The following CGRRF1 variants were observed in gnomAD, a reference collection of about 807,000 sequenced individuals.
The protein encoded by CGRRF1 is cell growth regulator with ring finger domain 1.
Under a neutral mutation model 37.2 loss-of-function variants are expected in CGRRF1, and 32 were observed. That is an observed-to-expected ratio of 0.86 (90% CI 0.65 to 1.16). The LOEUF is 1.16. Among genes scored for constraint, CGRRF1 ranks in the 50% most tolerant of loss-of-function variants. The pLI, the probability that CGRRF1 is intolerant of heterozygous loss-of-function variation, is 0.00. For missense variants in CGRRF1, 391 were observed against 382.6 expected (o/e 1.02, Z -0.18); for synonymous variants, 141 against 140.3 (o/e 1.00, Z -0.04).
At chr14:54,514,836 C>A (rs1000216724) in intron 1 of CGRRF1, among the ~76,000 whole-genome samples, 1 of 151,998 alleles carries the variant, frequency 6.6e-6, no homozygotes, top group African/African-American at 2.4e-5. Context: ...AAAATAATTT[C>A]CCTTTTGATT....
chr14:54,521,380 T>A (rs953130086), intron 1 of CGRRF1, among the ~76,000 whole-genome samples: 13 of 151,232 alleles, frequency 8.6e-5, no homozygotes, highest in Admixed American at 3.3e-4. Flanking sequence ...AGAATTGCTT[T>A]AACCCGGGAG....
intron 4 of CGRRF1, among the ~76,000 whole-genome samples, chr14:54,532,085 A>G (rs1210536350): frequency 2.0e-5 from 3 of 152,184 alleles, no homozygotes; most frequent in Admixed American, 6.6e-5. Context: ...TTCAGGCAGT[A>G]AGAGATGGAA....
intron 2 of CGRRF1, among the ~76,000 whole-genome samples, chr14:54,526,174 G>A (rs1161948073): frequency 2.1e-5 from 3 of 141,862 alleles, no homozygotes; most frequent in Non-Finnish European, 4.6e-5. Flanking sequence ...TTTTGAGACG[G>A]AGTCTCGCTC....
chr14:54,509,969 G>A lies in CGRRF1; in HGVS notation c.10G>A (p.Val4Met), dbSNP rs1261255325. ...CCAGAGCAAGACCCTGATGGCTGCG[G>A]TGTTTCTGGTAACGCTTTATGAATA... is the stretch of plus-strand genomic sequence containing the variant. MAA[V>M]FLVTLYEYSP... is the part of the protein sequence containing the mutation. The change falls in exon 1 of 6, where the codon GTG becomes ATG. Residue 4 changes from valine to methionine, a missense_variant. Coordinates refer to ENST00000216420, the MANE Select transcript of CGRRF1 (RefSeq NM_006568.3). The A allele has an allele frequency of 3.7e-6, 6 of 1,612,844 alleles. No individual in the cohort carries two copies. Among genetic ancestry groups the A allele is most frequent in the Non-Finnish European group, 5.1e-6 (6 of 1,178,908 alleles).
intron 2 of CGRRF1, among the ~76,000 whole-genome samples, chr14:54,526,143 G>T (rs1594652571): frequency 2.2e-5 from 3 of 137,210 alleles, no homozygotes; most frequent in Admixed American, 7.4e-5. Context: ...TTATATTTAA[G>T]ATTTTTTTTT....
intron 4 of CGRRF1, among the ~76,000 whole-genome samples, chr14:54,533,848 G>A (rs1382790520): frequency 6.6e-6 from 1 of 151,820 alleles, no homozygotes; most frequent in East Asian, 1.9e-4. Context: ...AAAAAAATTA[G>A]AAAGTGTAGA....
At chr14:54,516,674 A>G (rs1435198782) in intron 1 of CGRRF1, among the ~76,000 whole-genome samples, 3 of 151,878 alleles carry the variant, frequency 2.0e-5, no homozygotes, top group Non-Finnish European at 4.4e-5. Flanking sequence ...GAGCTCATTG[A>G]GATTCTTGGG....
intron 2 of CGRRF1, among the ~76,000 whole-genome samples, chr14:54,527,014 T>C (rs959766198): frequency 6.6e-6 from 1 of 152,220 alleles, no homozygotes; most frequent in Non-Finnish European, 1.5e-5. Flanking sequence ...GGCTGTCTCT[T>C]ACACTCCGCT....
intron 1 of CGRRF1, among the ~76,000 whole-genome samples, chr14:54,521,417 C>T (rs1258248930): frequency 2.0e-5 from 3 of 151,494 alleles, no homozygotes; most frequent in South Asian, 2.1e-4. Flanking sequence ...GCCAAGATCA[C>T]GCCATTGCAC....
In CGRRF1 at chr14:54,514,732, T is replaced by C. The variant is rs1475246351; in HGVS notation, c.104+4669T>C. Among the ~76,000 whole-genome samples, 4 of 152,354 alleles carry C rather than the reference T, an allele frequency of 2.6e-5. 1 individual carries two copies. The highest frequency in any genetic ancestry group is 9.6e-5 in the African/African-American group (4 of 41,580). Reference sequence around the variant, plus strand: ...TCTTCCAGGAGATGGAACAGAAATGTTGAGTGCCTTCTAATTTCCTTGTAA... The same window carrying C: ...TCTTCCAGGAGATGGAACAGAAATGCTGAGTGCCTTCTAATTTCCTTGTAA... On this transcript the variant is annotated intron_variant, in intron 1 of 5. Transcript: ENST00000216420.
rs375675032 is a variant in CGRRF1 at position 54,531,124 on chromosome 14, G to A, written c.570+74G>A. 1.3e-4 allele frequency: 158 copies of A among 1,218,322 alleles called. 3 individuals are homozygous for A. In the South Asian group the frequency reaches 2.1e-3, roughly 16 times the overall value. The allele number at this position is 1,218,322 out of a possible 1,614,324, so 75.5% of individuals were successfully genotyped here. A position where few individuals can be genotyped will look rare whatever the true frequency, so the allele number is the denominator to read the frequency against. ...GTGGTTCTTCATTATTTGATAAATA[G>A]AAAAAGTTTTATTTTAATTTCTGAG... On this transcript the variant is annotated intron_variant, in intron 4 of 5. Transcript: ENST00000216420.
rs935528368 is a variant in CGRRF1 at position 54,538,529 on chromosome 14, A to C, written c.*146A>C. 1.3e-5 allele frequency: 7 copies of C among 541,158 alleles called. No homozygotes were observed. The highest frequency in any genetic ancestry group is 1.9e-5 in the African/African-American group (1 of 51,512). 33.5% of individuals were successfully genotyped at this position (541,158 alleles called of 1,614,324 possible). ...ATATTTGTATGGTACTTGGATGATA[A>C]AAATTAATTATTCCTTTCTGCTTAG... is the stretch of plus-strand genomic sequence containing the variant. On this transcript the variant is annotated 3_prime_UTR_variant, in exon 6 of 6. Transcript: ENST00000216420.
At position 54,531,060 on chromosome 14, in the gene CGRRF1, T is replaced by C; in HGVS notation, c.570+10T>C. Reference sequence around the variant, plus strand: ...GGAAATTTATGATATTGTAAGTAATTGAAAATTTTGAAAGCATTACCTTTA... The same window carrying C: ...GGAAATTTATGATATTGTAAGTAATCGAAAATTTTGAAAGCATTACCTTTA... On this transcript the variant is annotated intron_variant, in intron 4 of 5. Transcript: ENST00000216420. The C allele has an allele frequency of 6.3e-7, 1 of 1,587,428 alleles. No individual in the cohort carries two copies. Among genetic ancestry groups the C allele is most frequent in the Non-Finnish European group, 8.6e-7 (1 of 1,164,892 alleles).
intron 2 of CGRRF1, 101 bp downstream of exon 2, chr14:54,522,694 C>CATTTTGTT (rs1176558629): frequency 3.5e-6 from 4 of 1,138,302 alleles, no homozygotes; most frequent in Non-Finnish European, 5.0e-6. Flanking sequence ...AGACTTTTAA[C>CATTTTGTT]AAACATTTGT....
intron 3 of CGRRF1, chr14:54,530,585 G>A (rs1223830037): frequency 1.9e-6 from 2 of 1,041,324 alleles, no homozygotes; most frequent in Non-Finnish European, 2.7e-6. Flanking sequence ...AACAGTATTT[G>A]TATCCTTTCA....
intron 2 of CGRRF1, among the ~76,000 whole-genome samples, chr14:54,525,673 T>C (rs1381053509): frequency 6.6e-6 from 1 of 152,214 alleles, no homozygotes; most frequent in Non-Finnish European, 1.5e-5. Flanking sequence ...GTAACAATAT[T>C]TGTGACATTT....
rs1442590873 is a variant in CGRRF1 at position 54,538,574 on chromosome 14, A to G, written c.*191A>G. The stretch of plus-strand genomic sequence containing the variant: ...GCTTAGTGAATGAATACTGGAATCC[A>G]TCTGTGTTGATACATAAAAATTCAT... On this transcript the variant is annotated 3_prime_UTR_variant, in exon 6 of 6. Transcript: ENST00000216420. 19 of 436,190 alleles carry G rather than the reference A, an allele frequency of 4.4e-5. No homozygotes were observed. In the East Asian group the frequency reaches 6.5e-4, roughly 15 times the overall value. The allele number at this position is 436,190 out of a possible 1,614,324, so 27.0% of individuals were successfully genotyped here.
At position 54,538,359 on chromosome 14, in the gene CGRRF1, T is replaced by C. The variant is rs139742313; in HGVS notation, c.975T>C (p.Asp325=). Residue 325 remains aspartate, a synonymous_variant, in exon 6 of 6, where the codon GAT becomes GAC. Coordinates refer to ENST00000216420, the MANE Select transcript of CGRRF1 (RefSeq NM_006568.3). Reference sequence around the variant, plus strand: ...CACTTTGCAGTCAAAAAGAGCAAGATAAAGACAAACCGAAGACTCTTTGAA... The same window carrying C: ...CACTTTGCAGTCAAAAAGAGCAAGACAAAGACAAACCGAAGACTCTTTGAA... ...SFALCSQKEQ[D]KDKPKTL is the part of the protein sequence containing the mutation. 10 of 1,610,244 alleles carry C rather than the reference T, an allele frequency of 6.2e-6. No homozygotes were observed. The highest frequency in any genetic ancestry group is 5.9e-6 in the Non-Finnish European group (7 of 1,176,824).
intron 1 of CGRRF1, among the ~76,000 whole-genome samples, chr14:54,515,836 A>G (rs1482575121): frequency 1.3e-5 from 2 of 152,144 alleles, no homozygotes; most frequent in Non-Finnish European, 2.9e-5. Flanking sequence ...TGTATGCACC[A>G]TATAGCTAGG....
Sources: allele counts gnomAD v4.1 joint callset (sites outside exome capture counted in the v4.1 genomes callset), GRCh38; gene constraint gnomAD v4.1.1; transcripts MANE v1.5; gene names NCBI Gene and HGNC (gene_info 2026-07-23, HGNC 2026-07-21).